LRMDA: variants seen among roughly 807,000 people sequenced by gnomAD.
The protein encoded by LRMDA is leucine-rich melanocyte differentiation-associated protein.
LRMDA carries 18 observed loss-of-function variants against 29.8 expected under a neutral mutation model. That is an observed-to-expected ratio of 0.60 (90% confidence interval 0.42 to 0.90). LRMDA has a LOEUF of 0.90. Among genes scored for constraint, LRMDA ranks in the 40% least tolerant of loss-of-function variants. LRMDA has a pLI of 0.00. For missense variants in LRMDA, 273 were observed against 273.9 expected, an observed-to-expected ratio of 1.00 and a Z score of 0.02; for synonymous variants, 125 against 109.4, an observed-to-expected ratio of 1.14 and a Z score of -0.89.
intron 6 of LRMDA, among the ~76,000 whole-genome samples, chr10:76,539,243 G>A (rs1487756489): frequency 6.6e-6 from 1 of 152,122 alleles, no homozygotes; most frequent in African/African-American, 2.4e-5. Flanking sequence ...CTAGGAAGAA[G>A]AGAGGATGAA....
intron 2 of LRMDA, among the ~76,000 whole-genome samples, chr10:75,485,566 TTGTG>T (rs572396511): frequency 6.6e-6 from 1 of 151,062 alleles, no homozygotes; most frequent in Non-Finnish European, 1.5e-5. Flanking sequence ...CCAGCTAATT[TTGTG>T]TGTGTGTGTG....
At chr10:76,215,209 GAGTGTTCAGGAGCAAATACCTTTTAGGT>G (rs1314851323) in intron 5 of LRMDA, among the ~76,000 whole-genome samples, 2 of 152,182 alleles carry the variant, frequency 1.3e-5, no homozygotes, top group Non-Finnish European at 2.9e-5. Context: ...GCATGGACGA[GAGTGTTCAGGAGCAAATACCTTTTAGGT>G]AGCAGACTGA....
chr10:75,817,426 A>G (rs866118779), intron 2 of LRMDA, among the ~76,000 whole-genome samples: 75 of 152,266 alleles, frequency 4.9e-4, no homozygotes, highest in Admixed American at 9.2e-4. Flanking sequence ...AGATTAGACC[A>G]CATGACCCTT....
At chr10:76,155,617 A>T (rs112371581) in intron 5 of LRMDA, among the ~76,000 whole-genome samples, 2 of 152,270 alleles carry the variant, frequency 1.3e-5, no homozygotes, top group African/African-American at 4.8e-5. Context: ...CTTAGAGGGT[A>T]CCTTGTATTT....
At chr10:75,441,713 T>C (rs772147096) in intron 2 of LRMDA, among the ~76,000 whole-genome samples, 34 of 152,028 alleles carry the variant, frequency 2.2e-4, no homozygotes, top group African/African-American at 7.9e-4. Flanking sequence ...TTGTTATATA[T>C]AAAAAAATTA....
chr10:75,492,624 G>A (rs776029292), intron 2 of LRMDA, among the ~76,000 whole-genome samples: 8 of 152,144 alleles, frequency 5.3e-5, no homozygotes, highest in Non-Finnish European at 1.0e-4. Context: ...AAATCCACAA[G>A]CAAAGTCACA....
intron 2 of LRMDA, among the ~76,000 whole-genome samples, chr10:75,926,601 G>T (rs1427871747): frequency 3.9e-5 from 6 of 152,186 alleles, no homozygotes; most frequent in Non-Finnish European, 7.3e-5. Context: ...TTAATTAGTG[G>T]GGTCTTCACC....
chr10:76,032,930 G>A (rs955914420), intron 2 of LRMDA, among the ~76,000 whole-genome samples: 2 of 151,972 alleles, frequency 1.3e-5, no homozygotes, highest in African/African-American at 4.8e-5. Context: ...TACACAAGGT[G>A]ATAGCAGACA....
At chr10:75,987,213 G>A (rs1847275419) in intron 2 of LRMDA, among the ~76,000 whole-genome samples, 1 of 152,150 alleles carries the variant, frequency 6.6e-6, no homozygotes. Flanking sequence ...TTCTGCTTAT[G>A]ACAGATGATC....
At chr10:75,634,911 A>T (rs1021019100) in intron 2 of LRMDA, among the ~76,000 whole-genome samples, 1 of 152,228 alleles carries the variant, frequency 6.6e-6, no homozygotes, top group African/African-American at 2.4e-5. Context: ...ACTATAAAAC[A>T]TTACTGAAAA....
chr10:75,853,433 GGTGTGTGTGTGT>G (rs3042495), intron 2 of LRMDA, among the ~76,000 whole-genome samples: 2 of 147,508 alleles, frequency 1.4e-5, no homozygotes, highest in African/African-American at 5.0e-5. Context: ...AAAGAAGAGG[GGTGTGTGTGTGT>G]GTGTGTGTGT....
At chr10:76,160,886 G>T (rs1374027798) in intron 5 of LRMDA, among the ~76,000 whole-genome samples, 1 of 152,130 alleles carries the variant, frequency 6.6e-6, no homozygotes, top group Non-Finnish European at 1.5e-5. Context: ...AGTTCTAGTT[G>T]AGGTGTATCT....
chr10:76,370,737 A>T (rs1841444184), intron 6 of LRMDA, among the ~76,000 whole-genome samples: 2 of 152,180 alleles, frequency 1.3e-5, no homozygotes, highest in Admixed American at 1.3e-4. Context: ...GTCTGAATGT[A>T]TAGGAAAAAC....
Position 75,806,685 on chromosome 10 carries a change from C to T in LRMDA, c.132-229323C>T, listed in dbSNP as rs551612062. Among the ~76,000 whole-genome samples the T allele has an allele frequency of 8.6e-5, 13 of 150,886 alleles. No individual in the cohort carries two copies. The East Asian group carries it at 1.7e-3, about 20-fold the overall frequency. ...GACAAGTGGTTCAACTTAGAAATCCCGAGTACCCCTTACAAATTGCAGGCT... is the reference window on the plus strand; with the variant it reads ...GACAAGTGGTTCAACTTAGAAATCCTGAGTACCCCTTACAAATTGCAGGCT... On this transcript the variant is annotated intron_variant, in intron 2 of 6. Transcript: ENST00000611255.
At chr10:76,203,249 A>G (rs915524412) in intron 5 of LRMDA, among the ~76,000 whole-genome samples, 2 of 152,206 alleles carry the variant, frequency 1.3e-5, no homozygotes, top group African/African-American at 4.8e-5. Context: ...CTCTGGCCTC[A>G]GCTTCTTCAC....
chr10:76,151,986 TACCCAC>T (rs1564668141), intron 5 of LRMDA, among the ~76,000 whole-genome samples: 2 of 152,238 alleles, frequency 1.3e-5, no homozygotes, highest in Non-Finnish European at 2.9e-5. Context: ...ATTACTAGTT[TACCCAC>T]ATAATAAAAT....
chr10:75,896,265 A>G (rs1196483494), intron 2 of LRMDA, among the ~76,000 whole-genome samples: 2 of 152,194 alleles, frequency 1.3e-5, no homozygotes, highest in African/African-American at 4.8e-5. Flanking sequence ...TGCTAGCTAT[A>G]TGATTTGGGG....
At chr10:76,099,039 G>A (rs950748385) in intron 5 of LRMDA, among the ~76,000 whole-genome samples, 7 of 152,164 alleles carry the variant, frequency 4.6e-5, no homozygotes, top group Non-Finnish European at 7.4e-5. Flanking sequence ...TAGGTTTTAC[G>A]ATAGTGATGT....
At chr10:75,718,178 A>C (rs1589169335) in intron 2 of LRMDA, among the ~76,000 whole-genome samples, 1 of 152,052 alleles carries the variant, frequency 6.6e-6, no homozygotes, top group African/African-American at 2.4e-5. Flanking sequence ...ATGCCCCAAC[A>C]CCTAGTGGCA....
Sources: gnomAD v4.1 joint callset for allele counts (sites outside exome capture counted in the v4.1 genomes callset) on GRCh38, gnomAD v4.1.1 for gene constraint, MANE v1.5 for transcripts, NCBI Gene and HGNC (gene_info 2026-07-23, HGNC 2026-07-21) for gene names.